Variants in GABRB1 observed in about 807,000 individuals in gnomAD.
GABRB1 encodes gamma-aminobutyric acid receptor subunit beta-1.
Under a neutral mutation model 51.6 loss-of-function variants are expected in GABRB1, and 17 were observed. The ratio of observed to expected loss-of-function variants is 0.33; its 90% CI spans 0.23 to 0.49. The LOEUF is 0.49. Among genes scored for constraint, GABRB1 ranks in the 20% least tolerant of loss-of-function variants. The probability of loss-of-function intolerance (pLI) is 0.99; values close to 1 mark genes in which losing one functional copy is unlikely to be tolerated. For missense variants in GABRB1, 410 were observed against 600.6 expected, an observed-to-expected ratio of 0.68 and a Z score of 3.32; for synonymous variants, 247 against 218.9, an observed-to-expected ratio of 1.13 and a Z score of -1.14.
intron 1 of GABRB1, among the ~76,000 whole-genome samples, chr4:47,016,560 A>ATTAT (rs559278924): frequency 0.024 from 3,649 of 151,672 alleles, 58 homozygotes; most frequent in Middle Eastern, 0.065. Context: ...ATCTGTGCAG[A>ATTAT]TTATTTATTT....
chr4:47,090,661 A>G (rs1728253585), intron 3 of GABRB1, among the ~76,000 whole-genome samples: 1 of 152,198 alleles, frequency 6.6e-6, no homozygotes, highest in African/African-American at 2.4e-5. Flanking sequence ...AGGGAAATAA[A>G]AAACAGCTTT....
intron 3 of GABRB1, among the ~76,000 whole-genome samples, chr4:47,086,870 G>A (rs1331605386): frequency 6.6e-6 from 1 of 152,162 alleles, no homozygotes; most frequent in Non-Finnish European, 1.5e-5. Context: ...TACTGCTTCT[G>A]ATACCTCCAT....
At chr4:47,163,968 A>G (rs1395593209) in intron 4 of GABRB1, among the ~76,000 whole-genome samples, 2 of 152,060 alleles carry the variant, frequency 1.3e-5, no homozygotes, top group Non-Finnish European at 2.9e-5. Flanking sequence ...GGGAGGTGTC[A>G]GGAAACTTAA....
intron 5 of GABRB1, among the ~76,000 whole-genome samples, chr4:47,321,989 T>A (rs969506965): frequency 4.6e-5 from 7 of 152,332 alleles, no homozygotes; most frequent in African/African-American, 1.7e-4. Context: ...AGTTTTTCTA[T>A]TATAGGTTGA....
At chr4:47,421,363 T>C (rs1729086141) in intron 8 of GABRB1, among the ~76,000 whole-genome samples, 2 of 152,128 alleles carry the variant, frequency 1.3e-5, no homozygotes, top group South Asian at 4.2e-4. Context: ...CACTAGCCGA[T>C]TCTAAACTCT....
At chr4:47,331,137 AG>A (rs1725465721) in intron 5 of GABRB1, among the ~76,000 whole-genome samples, 1 of 152,280 alleles carries the variant, frequency 6.6e-6, no homozygotes, top group East Asian at 1.9e-4. Context: ...CATATTCAGT[AG>A]ACTACTTAAT....
At chr4:47,296,561 A>G (rs1724002312) in intron 4 of GABRB1, among the ~76,000 whole-genome samples, 1 of 152,218 alleles carries the variant, frequency 6.6e-6, no homozygotes, top group Non-Finnish European at 1.5e-5. Flanking sequence ...AGAGCTAACT[A>G]TCCTAAATAT....
chr4:47,237,716 T>G (rs1007275992), intron 4 of GABRB1, among the ~76,000 whole-genome samples: 2 of 151,956 alleles, frequency 1.3e-5, no homozygotes, highest in Non-Finnish European at 2.9e-5. Context: ...AGAAGATAGA[T>G]AGATGATAGA....
At chr4:47,069,904 A>C (rs921491133) in intron 3 of GABRB1, among the ~76,000 whole-genome samples, 17 of 151,916 alleles carry the variant, frequency 1.1e-4, no homozygotes, top group African/African-American at 4.1e-4. Flanking sequence ...CGTTTCCGGT[A>C]CTCCACCAGA....
At chr4:47,002,889 G>A (rs571382863) in intron 1 of GABRB1, among the ~76,000 whole-genome samples, 44 of 152,158 alleles carry the variant, frequency 2.9e-4, no homozygotes, top group Non-Finnish European at 4.0e-4. Context: ...AGAATAGAAG[G>A]AGAACCTCAA....
chr4:47,245,539 A>G (rs1721706475), intron 4 of GABRB1, among the ~76,000 whole-genome samples: 1 of 152,156 alleles, frequency 6.6e-6, no homozygotes, highest in African/African-American at 2.4e-5. Context: ...TCTCCACAAA[A>G]GTGGAGAAGG....
At chr4:47,055,813 T>G (rs1158601958) in intron 3 of GABRB1, among the ~76,000 whole-genome samples, 2 of 152,174 alleles carry the variant, frequency 1.3e-5, no homozygotes, top group Non-Finnish European at 2.9e-5. Context: ...ACTTCCTAAT[T>G]AAAGAAAAAT....
chr4:47,134,476 T>C (rs1716555906), intron 3 of GABRB1, among the ~76,000 whole-genome samples: 1 of 152,072 alleles, frequency 6.6e-6, no homozygotes, highest in East Asian at 1.9e-4. Context: ...AAATAAAAAT[T>C]TCAAATATTA....
intron 1 of GABRB1, among the ~76,000 whole-genome samples, chr4:46,996,167 A>G (rs1723990250): frequency 6.6e-6 from 1 of 150,968 alleles, no homozygotes; most frequent in African/African-American, 2.4e-5. Flanking sequence ...GTAAACTCCT[A>G]TTTGTGATAG....
chr4:47,057,698 C>T (rs542987694), intron 3 of GABRB1, among the ~76,000 whole-genome samples: 1 of 152,200 alleles, frequency 6.6e-6, no homozygotes, highest in Non-Finnish European at 1.5e-5. Context: ...CTCCTCATCT[C>T]TTAGGATTAG....
intron 4 of GABRB1, among the ~76,000 whole-genome samples, chr4:47,211,587 C>T (rs144839829): frequency 5.3e-5 from 8 of 152,258 alleles, no homozygotes; most frequent in African/African-American, 1.7e-4. Flanking sequence ...GAACCGTTAC[C>T]GCTCTAGGCT....
intron 4 of GABRB1, among the ~76,000 whole-genome samples, chr4:47,205,912 G>A (rs924060783): frequency 2.0e-5 from 3 of 151,848 alleles, no homozygotes; most frequent in African/African-American, 7.3e-5. Context: ...AAATATTTTT[G>A]TTCTCCTTAC....
intron 4 of GABRB1, among the ~76,000 whole-genome samples, chr4:47,298,146 C>T (rs1724087645): frequency 6.6e-6 from 1 of 152,132 alleles, no homozygotes; most frequent in African/African-American, 2.4e-5. Context: ...ACTGAATGGG[C>T]AAAAACTGGA....
chr4:47,029,921 A>G (rs1560501876), upstream of GABRB1, among the ~76,000 whole-genome samples: 1 of 152,114 alleles, frequency 6.6e-6, no homozygotes, highest in Non-Finnish European at 1.5e-5. Flanking sequence ...TATATAGCAC[A>G]ATAATGTCTT....
Sources: gnomAD v4.1 joint callset for allele counts (sites outside exome capture counted in the v4.1 genomes callset) on GRCh38, gnomAD v4.1.1 for gene constraint, MANE v1.5 for transcripts, NCBI Gene and HGNC (gene_info 2026-07-23, HGNC 2026-07-21) for gene names.